CPT1B: variants seen among roughly 807,000 people sequenced by gnomAD.
CPT1B encodes the protein carnitine palmitoyltransferase 1B.
A neutral mutation model predicts 92.7 loss-of-function variants in CPT1B; 57 were observed. That is an observed-to-expected ratio of 0.62 (90% CI 0.50 to 0.77). The LOEUF is 0.77. Ranked by LOEUF, CPT1B falls within the 30% of genes least tolerant of loss-of-function variation. The pLI is 0.00. For missense variants in CPT1B, 983 were observed against 1,017.4 expected, an observed-to-expected ratio of 0.97 and a Z score of 0.46; for synonymous variants, 398 against 383.5, an observed-to-expected ratio of 1.04 and a Z score of -0.44.
In CPT1B at chr22:50,572,129, G is replaced by A. The variant is rs201639938; in HGVS notation, c.1459-7C>T. 17 of 1,613,880 alleles carry A rather than the reference G, an allele frequency of 1.1e-5. No homozygotes were observed. Among genetic ancestry groups the A allele is most frequent in the Non-Finnish European group, 1.3e-5 (15 of 1,179,900 alleles). ...TGTCTGTGCCCAGGACAAACTGCAG[G>A]GAGAGGATGAGACTGAGAGGCTGGC... On this transcript the variant is annotated splice_region_variant and splice_polypyrimidine_tract_variant and intron_variant, in intron 12 of 19. Coordinates refer to ENST00000312108, the MANE Select transcript of CPT1B (RefSeq NM_152246.3).
At chr22:50,575,425 A>C (rs1304688101) in intron 7 of CPT1B, among the ~76,000 whole-genome samples, 1 of 152,236 alleles carries the variant, frequency 6.6e-6, no homozygotes, top group African/African-American at 2.4e-5. Flanking sequence ...AGTTGTGTGT[A>C]AGTTCCTGGA....
At chr22:50,569,758 A>G in intron 17 of CPT1B, 90 bp from the exon 18 acceptor site, 1 of 1,163,010 alleles carries the variant, frequency 8.6e-7, no homozygotes, top group Non-Finnish European at 1.3e-6. Flanking sequence ...TTCCCACAAG[A>G]GTTGCAGGAA....
chr22:50,571,319 G>A (rs2070158418), intron 14 of CPT1B, 27 bp from the exon 15 acceptor site: 1 of 1,613,586 alleles, frequency 6.2e-7, no homozygotes, highest in African/African-American at 1.3e-5. Flanking sequence ...GGTGAATCTG[G>A]CAGGTGGACC....
At chr22:50,569,121 A>T (rs2070027067) in intron 19 of CPT1B, 40 bp from the exon 20 acceptor site, 2 of 522,498 alleles carry the variant, frequency 3.8e-6, no homozygotes, top group East Asian at 6.5e-5. Flanking sequence ...ATTAGTATCT[A>T]TCAAGAAAAA....
Position 50,572,995 on chromosome 22 carries a change from G to A in CPT1B, c.1232C>T (p.Ala411Val), listed in dbSNP as rs2070253025. The change falls in exon 11 of 20, where the codon GCC becomes GTC. Residue 411 changes from alanine to valine, a missense_variant. Ala to Val is a moderately conservative substitution (Grantham distance 64). Transcript: ENST00000312108. ...SSGKNKAALEAIERAAFFVAL... is the reference protein window; with the variant it reads ...SSGKNKAALEVIERAAFFVAL... Reference sequence around the variant, plus strand: ...CACGAAGAAAGCGGCACGCTCGATGGCCTCCAAGGCAGCCTTATTCTTTCC... The same window carrying A: ...CACGAAGAAAGCGGCACGCTCGATGACCTCCAAGGCAGCCTTATTCTTTCC... 6.2e-7 allele frequency: 1 copy of A among 1,613,524 alleles called. No individual in the cohort carries two copies. The highest frequency in any genetic ancestry group is 8.5e-7 in the Non-Finnish European group (1 of 1,179,752).
At chr22:50,577,235 T>C in intron 3 of CPT1B, 89 bp downstream of exon 3, 1 of 1,549,440 alleles carries the variant, frequency 6.5e-7, no homozygotes, top group South Asian at 1.2e-5. Flanking sequence ...GCTGCTGTCC[T>C]GTATCTGCCC....
In CPT1B at chr22:50,571,443, G is replaced by A. The variant is rs963608633; in HGVS notation, c.1672C>T (p.Leu558Phe). 1.9e-6 allele frequency: 3 copies of A among 1,613,872 alleles called. No individual in the cohort carries two copies. Among genetic ancestry groups the A allele is most frequent in the South Asian group, 1.1e-5 (1 of 91,076 alleles). Residue 558 changes from leucine (L) to phenylalanine (F), a missense_variant, in exon 14 of 20, where the codon CTC becomes TTC. Physicochemically the swap from Leu to Phe is conservative, Grantham distance 22 (BLOSUM62 0). Coordinates refer to ENST00000312108, the MANE Select transcript of CPT1B (RefSeq NM_152246.3). ...GGGCTGGTCCGGCACTTCTTGATGA[G>A]GCCTTTGCCAAAGGGCAGGAACTGG... is the stretch of plus-strand genomic sequence containing the variant. ...CFQFLPFGKG[L>F]IKKCRTSPDA... is the part of the protein sequence containing the mutation.
chr22:50,571,890 C>G (rs545861912), intron 13 of CPT1B, 116 bp downstream of exon 13: 2 of 1,021,060 alleles, frequency 2.0e-6, no homozygotes, highest in East Asian at 2.4e-5. Flanking sequence ...TGTGCCTTCC[C>G]GAGGGCTGGG....
rs2070106038 is a variant in CPT1B, at chr22:50,570,376, T to A, written c.2059A>T (p.Ser687Cys). 6.2e-7 allele frequency: 1 copy of A among 1,607,156 alleles called. No individual in the cohort carries two copies. Among genetic ancestry groups the A allele is most frequent in the Non-Finnish European group, 8.5e-7 (1 of 1,175,702 alleles). The change falls in exon 17 of 20, where the codon AGC becomes TGC. Residue 687 changes from serine to cysteine, a missense_variant. By Grantham distance (112) the Ser-to-Cys change is moderately radical. Transcript: ENST00000312108. ...CGGATCTGGGATTGGGGGATCTGGC[T>A]GGTGGAGAGACGCCAGGGTTCCGAG... Reference protein sequence around the residue: ...VLSEPWRLSTSQIPQSQIRMF... With the variant: ...VLSEPWRLSTCQIPQSQIRMF...
At position 50,573,712 on chromosome 22, in the gene CPT1B, A is replaced by C; in HGVS notation, c.974T>G (p.Val325Gly). Residue 325 changes from valine to glycine, a missense_variant, in exon 10 of 20, where the codon GTG becomes GGG. Coordinates refer to ENST00000312108, the MANE Select transcript of CPT1B (RefSeq NM_152246.3). The surrounding 1 kb of genome is among the most constrained non-coding windows in gnomAD (Gnocchi z 5.0). ...TTRIPGKDTDVLQHLSDSRHV... is the reference protein window; with the variant it reads ...TTRIPGKDTDGLQHLSDSRHV... The stretch of plus-strand genomic sequence containing the variant: ...CCGGCTGTCTGAGAGGTGCTGTAGC[A>C]CATCTGTGATACAGGCCACGGGCAA... 1 of 1,611,828 alleles carries C rather than the reference A, an allele frequency of 6.2e-7. No homozygotes were observed. The highest frequency in any genetic ancestry group is 1.3e-5 in the African/African-American group (1 of 75,014).
In CPT1B at chr22:50,573,184, CGCTGGACCTGGAGATGTGGGGGTGCCAG is replaced by C. The variant is rs2070265666; in HGVS notation, c.1167-152_1167-125del. The C allele has an allele frequency of 3.8e-6, 3 of 791,972 alleles. No individual in the cohort carries two copies. The highest frequency in any genetic ancestry group is 5.9e-6 in the Non-Finnish European group (3 of 511,094). 49.1% of individuals were successfully genotyped at this position (791,972 alleles called of 1,614,324 possible). ...CTGGACCTGGAGATGGGGGGTACCACGCTGGACCTGGAGATGTGGGGGTGCCAGGCTGGGCCTGGAGGTGTTGGGGTGC... is the reference window on the plus strand; with the variant it reads ...CTGGACCTGGAGATGGGGGGTACCACGCTGGGCCTGGAGGTGTTGGGGTGC... On this transcript the variant is annotated intron_variant, in intron 10 of 19. Coordinates refer to ENST00000312108, the MANE Select transcript of CPT1B (RefSeq NM_152246.3). This position sits in a 1 kb window ranked among gnomAD's most constrained non-coding sequence, Gnocchi z 5.0.
Position 50,572,188 on chromosome 22 carries a change from C to A in CPT1B, c.1458+15G>T. ...CTACAGCCTGCCCTGCAGGTTCCCT[C>A]TGCAAGGCTATTACCTCCCAGAGGT... On this transcript the variant is annotated intron_variant, in intron 12 of 19. Transcript: ENST00000312108. 1 of 1,613,154 alleles carries A rather than the reference C, an allele frequency of 6.2e-7. No homozygotes were observed. Among genetic ancestry groups the A allele is most frequent in the Non-Finnish European group, 8.5e-7 (1 of 1,179,158 alleles).
chr22:50,577,721 TAACAGCTGACAGCCGGC>T, intron 2 of CPT1B, 37 bp downstream of exon 2: 1 of 1,598,356 alleles, frequency 6.3e-7, no homozygotes, highest in South Asian at 1.1e-5. Flanking sequence ...ACAAAGCGCT[TAACAGCTGACAGCCGGC>T]CTCTGCCTAC....
intron 3 of CPT1B, 137 bp from the exon 4 acceptor site, chr22:50,577,171 G>A: frequency 2.2e-6 from 3 of 1,366,712 alleles, no homozygotes; most frequent in Admixed American, 1.9e-5. Context: ...ATGAGCGGAT[G>A]TAGGGCTAAG....
chr22:50,573,188 G>T lies in CPT1B; in HGVS notation c.1167-128C>A. ...ACCTGGAGATGGGGGGTACCACGCT[G>T]GACCTGGAGATGTGGGGGTGCCAGG... is the stretch of plus-strand genomic sequence containing the variant. On this transcript the variant is annotated intron_variant, in intron 10 of 19. Coordinates refer to ENST00000312108, the MANE Select transcript of CPT1B (RefSeq NM_152246.3). This position sits in a 1 kb window ranked among gnomAD's most constrained non-coding sequence, Gnocchi z 5.0. 1.3e-6 allele frequency: 1 copy of T among 790,420 alleles called. No individual in the cohort carries two copies. The highest frequency in any genetic ancestry group is 2.0e-6 in the Non-Finnish European group (1 of 503,812). The allele number at this position is 790,420 out of a possible 1,614,324, so 49.0% of individuals were successfully genotyped here.
rs940104525 is a variant in CPT1B, at chr22:50,571,581, C to T, written c.1576-42G>A. 5.0e-6 allele frequency: 8 copies of T among 1,596,778 alleles called. No homozygotes were observed. The African/African-American group carries it at 6.7e-5, about 13-fold the overall frequency. On this transcript the variant is annotated intron_variant, in intron 13 of 19. Coordinates refer to ENST00000312108, the MANE Select transcript of CPT1B (RefSeq NM_152246.3). ...AGGGTCAGCTGAGGGTAGGGCTCTC[C>T]AAGCAGGACTCTGGGTCATGTCTAG...
intron 19 of CPT1B, 101 bp from the exon 20 acceptor site, chr22:50,569,182 C>T (rs2070031562): frequency 1.2e-5 from 8 of 656,838 alleles, no homozygotes; most frequent in Non-Finnish European, 1.8e-5. Context: ...CCACCTGGGC[C>T]CTCAGGGAGC....
intron 19 of CPT1B, 126 bp downstream of exon 19, chr22:50,569,210 G>A (rs2146607738): frequency 1.2e-6 from 1 of 848,666 alleles, no homozygotes; most frequent in Non-Finnish European, 1.9e-6. Flanking sequence ...GCCCAGCGAG[G>A]ACCTGCTGCC....
chr22:50,574,605 A>G lies in CPT1B; in HGVS notation c.778-5T>C. 1 of 1,613,612 alleles carries G rather than the reference A, an allele frequency of 6.2e-7. No homozygotes were observed. Among genetic ancestry groups the G allele is most frequent in the Non-Finnish European group, 8.5e-7 (1 of 1,179,620 alleles). On this transcript the variant is annotated splice_polypyrimidine_tract_variant and splice_region_variant and intron_variant, in intron 7 of 19. Transcript: ENST00000312108. Reference sequence around the variant, plus strand: ...ATTCTTGATGAGCACAAGGTCCTACAGAGGAACAGAGCCCGCGGGGTGGGG... The same window carrying G: ...ATTCTTGATGAGCACAAGGTCCTACGGAGGAACAGAGCCCGCGGGGTGGGG...
Sources: allele counts gnomAD v4.1 joint callset (sites outside exome capture counted in the v4.1 genomes callset), GRCh38; gene constraint gnomAD v4.1.1; non-coding constraint Gnocchi (gnomAD v3.1); transcripts MANE v1.5; gene names NCBI Gene and HGNC (gene_info 2026-07-23, HGNC 2026-07-21).